The following TAB2 variants were observed in gnomAD, a reference collection of about 807,000 sequenced individuals.
TAB2 encodes TGF-beta-activated kinase 1 and MAP3K7-binding protein 2.
In TAB2, 3 loss-of-function variants were observed where a neutral mutation model predicts 65.0. That is an observed-to-expected ratio of 0.05 (90% CI 0.02 to 0.12). The LOEUF is 0.12. TAB2 is among the 10% of genes least tolerant of loss of function. The pLI, the probability that TAB2 is intolerant of heterozygous loss-of-function variation, is 1.00. For missense variants in TAB2, 623 were observed against 840.3 expected, an observed-to-expected ratio of 0.74 and a Z score of 3.20; for synonymous variants, 298 against 285.1, an observed-to-expected ratio of 1.05 and a Z score of -0.46.
At chr6:149,239,161 G>A (rs1777551725) in intron 1 of TAB2, among the ~76,000 whole-genome samples, 1 of 152,194 alleles carries the variant, frequency 6.6e-6, no homozygotes, top group South Asian at 2.1e-4. Context: ...ATACCACACA[G>A]GCAGAGCATT....
At chr6:149,248,453 AAAG>A (rs1489848921) in intron 1 of TAB2, among the ~76,000 whole-genome samples, 123 of 111,370 alleles carry the variant, frequency 1.1e-3, no homozygotes, top group African/African-American at 4.1e-3. Flanking sequence ...GGAAGGAAGA[AAAG>A]AAGGAAGGAA....
intron 1 of TAB2, among the ~76,000 whole-genome samples, chr6:149,358,200 G>C (rs761662598): frequency 6.6e-6 from 1 of 152,032 alleles, no homozygotes; most frequent in African/African-American, 2.4e-5. Context: ...TCAGATTTGG[G>C]GATATTTGTG....
intron 6 of TAB2, 97 bp from the exon 7 acceptor site, chr6:149,409,480 C>T (rs1782771899): frequency 9.1e-7 from 1 of 1,104,564 alleles, no homozygotes; most frequent in Admixed American, 1.8e-5. Context: ...GAGCAAGCTG[C>T]ATCAGGCTGT....
chr6:149,400,339 GGACCC>G (rs1782332519), intron 6 of TAB2: 1 of 1,582,112 alleles, frequency 6.3e-7, no homozygotes. Context: ...CGTTAGGTGC[GGACCC>G]GCCACCTCTT....
chr6:149,340,238 T>C (rs1325587910), intron 1 of TAB2, among the ~76,000 whole-genome samples: 3 of 152,222 alleles, frequency 2.0e-5, no homozygotes, highest in Non-Finnish European at 4.4e-5. Context: ...ATGAATGTTA[T>C]AACTTTACAC....
intron 2 of TAB2, among the ~76,000 whole-genome samples, chr6:149,374,041 T>C (rs1781317651): frequency 6.6e-6 from 1 of 152,204 alleles, no homozygotes; most frequent in African/African-American, 2.4e-5. Flanking sequence ...CACATGAGTT[T>C]ATAATGATAC....
At chr6:149,295,134 G>C (rs1778852054) in intron 1 of TAB2, among the ~76,000 whole-genome samples, 1 of 152,066 alleles carries the variant, frequency 6.6e-6, no homozygotes, top group South Asian at 2.1e-4. Flanking sequence ...CCTAAAACAG[G>C]GTCAAGATTC....
At chr6:149,358,285 AC>A (rs1780733227) in intron 1 of TAB2, among the ~76,000 whole-genome samples, 1 of 152,210 alleles carries the variant, frequency 6.6e-6, no homozygotes, top group Admixed American at 6.5e-5. Context: ...CCACCTTAAT[AC>A]GCATAGCCTG....
chr6:149,276,448 A>C (rs549685091), intron 1 of TAB2, among the ~76,000 whole-genome samples: 1 of 152,328 alleles, frequency 6.6e-6, no homozygotes, highest in South Asian at 2.1e-4. Flanking sequence ...TTACTTTAAC[A>C]AGAATTTGAT....
chr6:149,358,673 T>TGTGTGTGTGTGTG (rs71010863), intron 1 of TAB2, among the ~76,000 whole-genome samples: 6 of 150,886 alleles, frequency 4.0e-5, no homozygotes, highest in African/African-American at 7.4e-5. Context: ...TGTGTGTGTG[T>TGTGTGTGTGTGTG]TTTCAGTATA....
At chr6:149,328,416 C>T (rs1779682116) in intron 1 of TAB2, among the ~76,000 whole-genome samples, 1 of 152,178 alleles carries the variant, frequency 6.6e-6, no homozygotes, top group African/African-American at 2.4e-5. Context: ...CCTCAGCCTC[C>T]CAAGTAGCTG....
intron 3 of TAB2, among the ~76,000 whole-genome samples, chr6:149,392,892 A>G (rs992967761): frequency 1.8e-4 from 27 of 152,244 alleles, no homozygotes; most frequent in Admixed American, 2.0e-4. Flanking sequence ...TTCATAATGG[A>G]CAAATATTGG....
intron 1 of TAB2, among the ~76,000 whole-genome samples, chr6:149,287,486 T>TG (rs1462061944): frequency 7.0e-6 from 1 of 142,010 alleles, no homozygotes; most frequent in Non-Finnish European, 1.5e-5. Flanking sequence ...TTTTCTGTTT[T>TG]TTTTTTTAAA....
rs186344390 is a variant in TAB2, at chr6:149,261,703, C to A, written c.-121+42927C>A. Among the ~76,000 whole-genome samples the A allele has an allele frequency of 6.1e-3, 928 of 152,048 alleles. 2 individuals carry two copies. Among genetic ancestry groups the A allele is most frequent in the Non-Finnish European group, 0.01 (680 of 67,970 alleles). On this transcript the variant is annotated intron_variant, in intron 1 of 1. Transcript: ENST00000606202. ...CACCCCATGGATGTCTGACTGTTGA[C>A]GAAAAAAGGAAAAAGAGAAACGAGG...
intron 1 of TAB2, among the ~76,000 whole-genome samples, chr6:149,309,601 G>C (rs1779132520): frequency 6.6e-6 from 1 of 151,766 alleles, no homozygotes; most frequent in African/African-American, 2.4e-5. Context: ...GTTTCACCGT[G>C]TTAGCCAGGA....
chr6:149,250,414 T>G (rs1777834936), intron 1 of TAB2, among the ~76,000 whole-genome samples: 1 of 152,070 alleles, frequency 6.6e-6, no homozygotes, highest in Admixed American at 6.5e-5. Context: ...CACACAATTC[T>G]CCTGCCTCAA....
intron 3 of TAB2, among the ~76,000 whole-genome samples, chr6:149,382,265 GA>G (rs574125398): frequency 3.3e-5 from 5 of 152,334 alleles, no homozygotes; most frequent in African/African-American, 1.2e-4. Context: ...AGAACAGATA[GA>G]TTAAGTAACT....
At chr6:149,396,444 A>G (rs1438687788) in intron 3 of TAB2, among the ~76,000 whole-genome samples, 1 of 152,202 alleles carries the variant, frequency 6.6e-6, no homozygotes, top group Non-Finnish European at 1.5e-5. Context: ...CTGTCTTTGT[A>G]TGTAATCTAC....
At chr6:149,252,495 T>C (rs1777882708) in intron 1 of TAB2, among the ~76,000 whole-genome samples, 1 of 152,108 alleles carries the variant, frequency 6.6e-6, no homozygotes, top group Non-Finnish European at 1.5e-5. Flanking sequence ...GTTGGTGGCC[T>C]ATGGTAGATT....
Sources: gnomAD v4.1 joint callset for allele counts (sites outside exome capture counted in the v4.1 genomes callset) on GRCh38, gnomAD v4.1.1 for gene constraint, MANE v1.5 for transcripts, NCBI Gene and HGNC (gene_info 2026-07-23, HGNC 2026-07-21) for gene names.